Variants in SCN9A observed in about 807,000 individuals in gnomAD.
SCN9A encodes the protein sodium voltage-gated channel alpha subunit 9, also known as sodium channel protein type 9 subunit alpha.
A neutral mutation model predicts 187.0 loss-of-function variants in SCN9A; 131 were observed. That is an observed-to-expected ratio of 0.70 (90% confidence interval 0.61 to 0.81). The LOEUF is 0.81. Among genes scored for constraint, SCN9A ranks in the 30% least tolerant of loss-of-function variants. The pLI is 0.00. For missense variants in SCN9A, 2,252 were observed against 2,396.6 expected, an observed-to-expected ratio of 0.94 and a Z score of 1.26; for synonymous variants, 809 against 808.6, an observed-to-expected ratio of 1.00 and a Z score of -0.01.
chr2:166,228,803 G>A lies in SCN9A; in HGVS notation c.4094C>T (p.Pro1365Leu). 6.2e-7 allele frequency: 1 copy of A among 1,613,860 alleles called. No individual in the cohort carries two copies. Among genetic ancestry groups the A allele is most frequent in the Non-Finnish European group, 8.5e-7 (1 of 1,179,850 alleles). The part of the protein sequence containing the change: ...DGSRFPASQV[P>L]NRSECFALMN... Reference sequence around the variant, plus strand: ...AAGGGCAAAACATTCGGAACGATTTGGAACTTGACTTGCAGGAAACCGTGA... The same window carrying A: ...AAGGGCAAAACATTCGGAACGATTTAGAACTTGACTTGCAGGAAACCGTGA... Residue 1365 changes from proline (P) to leucine (L), a missense_variant, in exon 22 of 27, where the codon CCA becomes CTA. Physicochemically the swap from Pro to Leu is moderately conservative, Grantham distance 98 (BLOSUM62 -3). Transcript: ENST00000642356.
At chr2:166,229,360 A>T (rs1694986342) in intron 21 of SCN9A, among the ~76,000 whole-genome samples, 1 of 146,002 alleles carries the variant, frequency 6.8e-6, no homozygotes, top group South Asian at 2.1e-4. Context: ...GAAAAAAAAG[A>T]AATGTATAAA....
In SCN9A at chr2:166,286,423, T is replaced by C. The variant is rs201563494; in HGVS notation, c.1515A>G (p.Ser505=). The stretch of plus-strand genomic sequence containing the variant: ...AACTTTTTCTTCTGATGCTGTCCTC[T>C]GATTCTGATTTCGACAATTTCTCAG... ...GDAEKLSKSE[S]EDSIRRKSFH... is the part of the protein sequence containing the mutation. Residue 505 remains serine, a synonymous_variant, in exon 11 of 27, where the codon TCA becomes TCG. Transcript: ENST00000642356. The C allele has an allele frequency of 3.5e-5, 57 of 1,613,852 alleles. No individual in the cohort carries two copies. The highest frequency in any genetic ancestry group is 4.7e-5 in the Non-Finnish European group (55 of 1,179,856).
At position 166,272,822 on chromosome 2, in the gene SCN9A, A is replaced by G. The variant is rs201487644; in HGVS notation, c.2928T>C (p.Leu976=). Residue 976 remains leucine (L), a synonymous_variant, in exon 17 of 27, where the codon CTT becomes CTC. Coordinates refer to ENST00000642356, the MANE Select transcript of SCN9A (RefSeq NM_001365536.1). ...CATCAGGGTCTTCTTCAATTGCTGTAAGATTGTCTGAACTAAATGAGCTCA... is the reference window on the plus strand; with the variant it reads ...CATCAGGGTCTTCTTCAATTGCTGTGAGATTGTCTGAACTAAATGAGCTCA... ...LLLSSFSSDN[L]TAIEEDPDAN... 1 of 1,518,842 alleles carries G rather than the reference A, an allele frequency of 6.6e-7. No individual in the cohort carries two copies. Among genetic ancestry groups the G allele is most frequent in the Non-Finnish European group, 8.8e-7 (1 of 1,137,630 alleles). The allele number at this position is 1,518,842 out of a possible 1,614,324, so 94.1% of individuals were successfully genotyped here.
chr2:166,238,033 G>GT, intron 20 of SCN9A, 61 bp downstream of exon 20: 1 of 1,264,326 alleles, frequency 7.9e-7, no homozygotes, highest in Non-Finnish European at 1.1e-6. Flanking sequence ...AGTGGTGAAG[G>GT]TTTTTTCACA....
chr2:166,220,599 T>A lies in SCN9A; in HGVS notation c.4398+5968A>T, dbSNP rs1329646757. ...TGTGATCCCATAAGGTTTATGTTCA[T>A]TATAAATTACCCAGTCTGTGGTATT... On this transcript the variant is annotated intron_variant, in intron 24 of 26. Transcript: ENST00000642356. Among the ~76,000 whole-genome samples, 3 of 152,276 alleles carry A rather than the reference T, an allele frequency of 2.0e-5. No homozygotes were observed. In the East Asian group the frequency reaches 5.8e-4, roughly 29 times the overall value.
At chr2:166,219,547 C>T (rs115005725) in intron 24 of SCN9A, among the ~76,000 whole-genome samples, 3,151 of 152,030 alleles carry the variant, frequency 0.021, 122 homozygotes, top group African/African-American at 0.073. Flanking sequence ...TAAAGGGTAA[C>T]AACACACACT....
At chr2:166,237,984 T>C (rs1574780381) in intron 20 of SCN9A, 110 bp downstream of exon 20, 7 of 729,952 alleles carry the variant, frequency 9.6e-6, no homozygotes, top group Middle Eastern at 7.6e-4. Flanking sequence ...CCTGAAAATA[T>C]ATGAAGCTTA....
intron 17 of SCN9A, among the ~76,000 whole-genome samples, chr2:166,261,222 T>A (rs577272966): frequency 6.6e-6 from 1 of 151,916 alleles, no homozygotes; most frequent in Non-Finnish European, 1.5e-5. Flanking sequence ...GTTAATACCT[T>A]CCAAGGTATC....
intron 1 of SCN9A, among the ~76,000 whole-genome samples, chr2:166,362,868 T>C (rs1186193772): frequency 6.6e-6 from 1 of 152,042 alleles, no homozygotes; most frequent in Non-Finnish European, 1.5e-5. Flanking sequence ...CTTCTTTTTA[T>C]TATTCTAACT....
intron 1 of SCN9A, among the ~76,000 whole-genome samples, chr2:166,362,934 T>G (rs372833423): frequency 5.9e-5 from 9 of 151,938 alleles, no homozygotes; most frequent in African/African-American, 2.2e-4. Context: ...TTCATGAAAA[T>G]GCAAAATTTA....
intron 1 of SCN9A, among the ~76,000 whole-genome samples, chr2:166,358,086 T>A (rs1014316470): frequency 8.1e-5 from 11 of 136,150 alleles, no homozygotes; most frequent in Admixed American, 2.2e-4. Context: ...TTATTTATTT[T>A]GAGATGGAGT....
At chr2:166,330,837 G>T (rs1232983722) in intron 1 of SCN9A, among the ~76,000 whole-genome samples, 1 of 152,124 alleles carries the variant, frequency 6.6e-6, no homozygotes, top group African/African-American at 2.4e-5. Context: ...TCACTGGGCT[G>T]CTGCTCACCT....
At chr2:166,224,583 A>T (rs1388035303) in intron 24 of SCN9A, among the ~76,000 whole-genome samples, 2 of 152,012 alleles carry the variant, frequency 1.3e-5, no homozygotes, top group Admixed American at 1.3e-4. Context: ...CCAGAATTAG[A>T]CTCCTTTATC....
chr2:166,362,040 G>A (rs1018486194), intron 1 of SCN9A, among the ~76,000 whole-genome samples: 2 of 151,986 alleles, frequency 1.3e-5, no homozygotes, highest in East Asian at 1.9e-4. Flanking sequence ...AGTATTCTTT[G>A]GAACATTTGT....
intron 1 of SCN9A, among the ~76,000 whole-genome samples, chr2:166,312,373 G>A (rs1325626595): frequency 6.6e-6 from 1 of 152,090 alleles, no homozygotes; most frequent in Non-Finnish European, 1.5e-5. Flanking sequence ...ACAATTTTAG[G>A]CTCCATCTCT....
At chr2:166,231,470 G>A (rs1269794961) in intron 21 of SCN9A, among the ~76,000 whole-genome samples, 1 of 151,664 alleles carries the variant, frequency 6.6e-6, no homozygotes, top group Non-Finnish European at 1.5e-5. Context: ...TTCACTTGAG[G>A]CTGGTTAAAA....
At chr2:166,287,155 A>G (rs1697801782) in intron 10 of SCN9A, among the ~76,000 whole-genome samples, 1 of 152,172 alleles carries the variant, frequency 6.6e-6, no homozygotes. Context: ...ATAACCTAGT[A>G]CTATCCCTTT....
intron 1 of SCN9A, among the ~76,000 whole-genome samples, chr2:166,363,744 T>G (rs1024315929): frequency 2.0e-5 from 3 of 151,952 alleles, no homozygotes; most frequent in African/African-American, 7.2e-5. Flanking sequence ...AACTGTAAAT[T>G]TCTAAGAAAA....
chr2:166,244,055 C>A (rs1574793079), intron 18 of SCN9A, among the ~76,000 whole-genome samples: 1 of 151,934 alleles, frequency 6.6e-6, no homozygotes, highest in East Asian at 1.9e-4. Context: ...CCCAGGACTA[C>A]CAGGTGGATG....
Sources: allele counts gnomAD v4.1 joint callset (sites outside exome capture counted in the v4.1 genomes callset), GRCh38; gene constraint gnomAD v4.1.1; transcripts MANE v1.5; gene names NCBI Gene and HGNC (gene_info 2026-07-23, HGNC 2026-07-21).